Variants in PBX1 observed in about 807,000 individuals in gnomAD.
PBX1 encodes the protein PBX homeobox 1.
In PBX1, 6 loss-of-function variants were observed where a neutral mutation model predicts 53.4. The ratio of observed to expected loss-of-function variants is 0.11; its 90% CI spans 0.06 to 0.22. The LOEUF (loss-of-function observed/expected upper bound fraction) is 0.22. Ranked by LOEUF, PBX1 falls within the 10% of genes least tolerant of loss-of-function variation. The pLI is 1.00. For synonymous variants in PBX1, 204 were observed against 212.3 expected (o/e 0.96, Z 0.34); for missense variants, 251 against 551.4 (o/e 0.46, Z 5.46).
intron 2 of PBX1, among the ~76,000 whole-genome samples, chr1:164,694,013 T>C (rs1686186): frequency 0.96 from 146,031 of 152,144 alleles, 70,363 homozygotes; most frequent in East Asian, 1. Flanking sequence ...ACCTTTAGGA[T>C]TATCTCAGAT....
In PBX1 at chr1:164,736,585, T is replaced by C. The variant is rs374782860; in HGVS notation, c.266-55909T>C. Among the ~76,000 whole-genome samples, 37 of 152,292 alleles carry C rather than the reference T, an allele frequency of 2.4e-4. 3 individuals are homozygous for C. Among genetic ancestry groups the C allele is most frequent in the African/African-American group, 8.9e-4 (37 of 41,562 alleles). ...AAAAGCCACAGAAGGAACAATGACA[T>C]ATACATTATCCTCCAGAAAATACAT... On this transcript the variant is annotated intron_variant, in intron 2 of 8. Transcript: ENST00000420696.
chr1:164,806,149 A>G (rs1481452008), intron 4 of PBX1, among the ~76,000 whole-genome samples: 3 of 152,212 alleles, frequency 2.0e-5, no homozygotes, highest in African/African-American at 7.2e-5. Context: ...TGAAGGCCAC[A>G]CAACTTCAAG....
chr1:164,830,428 AAAAT>A (rs1317804718), intron 8 of PBX1, among the ~76,000 whole-genome samples: 5 of 152,214 alleles, frequency 3.3e-5, no homozygotes, highest in African/African-American at 1.2e-4. Flanking sequence ...AGCCTTTCCA[AAAAT>A]AAATAGAGCT....
intron 2 of PBX1, among the ~76,000 whole-genome samples, chr1:164,594,188 A>G (rs2800791): frequency 0.4 from 60,518 of 152,118 alleles, 12,255 homozygotes; most frequent in East Asian, 0.51. Flanking sequence ...TTCTCCTTCT[A>G]ACTTGCTGTA....
intron 2 of PBX1, among the ~76,000 whole-genome samples, chr1:164,664,756 A>G (rs1557926723): frequency 6.6e-6 from 1 of 152,202 alleles, no homozygotes; most frequent in African/African-American, 2.4e-5. Context: ...AGCAAGTCAT[A>G]TCTTATGTGG....
intron 2 of PBX1, among the ~76,000 whole-genome samples, chr1:164,870,204 C>CTT (rs1233669975): frequency 6.9e-6 from 1 of 144,824 alleles, no homozygotes; most frequent in Non-Finnish European, 1.6e-5. Context: ...TTCTTTCTTT[C>CTT]TTTCTTTTCT....
chr1:164,819,976 G>T lies in PBX1; in HGVS notation c.998-96G>T, dbSNP rs1037358662. On this transcript the variant is annotated intron_variant, in intron 6 of 8. Coordinates refer to ENST00000420696, the MANE Select transcript of PBX1 (RefSeq NM_002585.4). ...TTTATTTTAGTTTTTATTTGGGGGG[G>T]GTTGCTTTGCATGTCATTCTTCCTC... 2.6e-5 allele frequency: 18 copies of T among 699,108 alleles called. 1 individual carries two copies. Among genetic ancestry groups the T allele is most frequent in the South Asian group, 8.7e-5 (5 of 57,514 alleles). The allele number at this position is 699,108 out of a possible 1,614,324, so 43.3% of individuals were successfully genotyped here. A position where few individuals can be genotyped will look rare whatever the true frequency, so the allele number is the denominator to read the frequency against.
intron 2 of PBX1, among the ~76,000 whole-genome samples, chr1:164,692,604 C>G (rs900506651): frequency 6.6e-6 from 1 of 151,782 alleles, no homozygotes; most frequent in African/African-American, 2.4e-5. Flanking sequence ...GAAAGATAAG[C>G]AAGAAATGAA....
intron 2 of PBX1, among the ~76,000 whole-genome samples, chr1:164,610,162 G>A (rs1656815036): frequency 1.3e-5 from 2 of 152,148 alleles, no homozygotes. Flanking sequence ...ATCCCTGCTT[G>A]CCATCAGCCC....
At chr1:164,816,152 C>A (rs1022271225) in intron 6 of PBX1, 3 of 151,996 alleles carry the variant, frequency 2.0e-5, no homozygotes, top group Non-Finnish European at 4.4e-5. Context: ...ACAATTTGTC[C>A]TGGAATTGGA....
intron 2 of PBX1, among the ~76,000 whole-genome samples, chr1:164,877,917 C>T (rs2102462299): frequency 6.6e-6 from 1 of 152,296 alleles, no homozygotes; most frequent in Middle Eastern, 3.4e-3. Context: ...CAGCCAACCA[C>T]TGATGGGTTT....
intron 2 of PBX1, among the ~76,000 whole-genome samples, chr1:164,566,821 T>C (rs1259102921): frequency 6.6e-6 from 1 of 152,216 alleles, no homozygotes; most frequent in African/African-American, 2.4e-5. Context: ...TGAATAGTTT[T>C]TAATTTTAGA....
chr1:164,883,132 T>C (rs910149629), intron 2 of PBX1, among the ~76,000 whole-genome samples: 2 of 152,190 alleles, frequency 1.3e-5, no homozygotes, highest in East Asian at 3.9e-4. Context: ...AAGACTTTAG[T>C]TAAAAACATC....
At chr1:164,764,809 G>A (rs1327847958) in intron 2 of PBX1, among the ~76,000 whole-genome samples, 1 of 152,056 alleles carries the variant, frequency 6.6e-6, no homozygotes, top group African/African-American at 2.4e-5. Flanking sequence ...CAACCCTATA[G>A]GAAATGTAGA....
chr1:164,762,607 G>A (rs1437708136), intron 2 of PBX1, among the ~76,000 whole-genome samples: 2 of 152,174 alleles, frequency 1.3e-5, no homozygotes, highest in Non-Finnish European at 2.9e-5. Context: ...ATGTGTCTCT[G>A]TCTATCTTGA....
chr1:164,795,377 G>A (rs1318173958), intron 3 of PBX1, among the ~76,000 whole-genome samples: 1 of 152,142 alleles, frequency 6.6e-6, no homozygotes, highest in Admixed American at 6.5e-5. Flanking sequence ...TAGATTACTG[G>A]CACCTAAGAG....
At chr1:164,879,443 G>A (rs1026513417) in intron 2 of PBX1, among the ~76,000 whole-genome samples, 14 of 152,166 alleles carry the variant, frequency 9.2e-5, no homozygotes, top group African/African-American at 3.1e-4. Flanking sequence ...GTGAGCAACC[G>A]CTAAAACAGA....
At chr1:164,737,883 A>G (rs1571314193) in intron 2 of PBX1, among the ~76,000 whole-genome samples, 1 of 151,984 alleles carries the variant, frequency 6.6e-6, no homozygotes, top group Non-Finnish European at 1.5e-5. Flanking sequence ...TTTACAGTCA[A>G]CCTTCCCCAC....
chr1:164,854,720 A>G (rs1558048632), downstream of PBX1, among the ~76,000 whole-genome samples: 1 of 152,044 alleles, frequency 6.6e-6, no homozygotes, highest in Non-Finnish European at 1.5e-5. Context: ...TAGCAGTGGC[A>G]TTGCCCAGGA....
Sources: allele counts gnomAD v4.1 joint callset (sites outside exome capture counted in the v4.1 genomes callset), GRCh38; gene constraint gnomAD v4.1.1; transcripts MANE v1.5; gene names NCBI Gene and HGNC (gene_info 2026-07-23, HGNC 2026-07-21).